Variants in TBC1D16 observed in about 807,000 individuals in gnomAD.
TBC1D16 encodes CTD-2529O21.1.
Under a neutral mutation model 74.7 loss-of-function variants are expected in TBC1D16, and 58 were observed. The observed-to-expected ratio is 0.78, with a 90% CI of 0.63 to 0.97. TBC1D16 has a LOEUF of 0.97. Among genes scored for constraint, TBC1D16 ranks in the 50% least tolerant of loss-of-function variants. TBC1D16 has a pLI of 0.00. For missense variants in TBC1D16, 1,014 were observed against 1,079.5 expected (o/e 0.94, Z 0.85); for synonymous variants, 493 against 474.7 (o/e 1.04, Z -0.50).
rs147898682 is a variant in TBC1D16, at chr17:79,975,027, A to G, written c.780-22209T>C. On this transcript the variant is annotated intron_variant, in intron 3 of 11. Transcript: ENST00000310924. This position sits in a 1 kb window ranked among gnomAD's most constrained non-coding sequence, Gnocchi z 4.5. The stretch of plus-strand genomic sequence containing the variant: ...GCGCCCTCTATAGGTAAGAAGGCCC[A>G]AGGAAGAAGCCCTCTGCTCCGTCAC... Among the ~76,000 whole-genome samples, 620 of 152,268 alleles carry G rather than the reference A, an allele frequency of 4.1e-3. 2 individuals are homozygous for G. The highest frequency in any genetic ancestry group is 0.014 in the African/African-American group (595 of 41,552).
chr17:79,952,512 G>C, intron 4 of TBC1D16, 145 bp downstream of exon 4: 1 of 1,047,080 alleles, frequency 9.6e-7, no homozygotes, highest in Non-Finnish European at 1.3e-6. Flanking sequence ...CACAAGATCA[G>C]CGAGGGAGGA....
chr17:79,968,726 G>A (rs2033946488), intron 3 of TBC1D16, among the ~76,000 whole-genome samples: 2 of 151,080 alleles, frequency 1.3e-5, no homozygotes, highest in South Asian at 2.1e-4. Flanking sequence ...TGTGGCGGGC[G>A]CCTGTAGTCC....
rs192079872 is a variant in TBC1D16 at position 80,009,571 on chromosome 17, G to A, written c.779+589C>T. Among the ~76,000 whole-genome samples the A allele has an allele frequency of 1.5e-3, 221 of 152,332 alleles. 1 individual carries two copies. Among genetic ancestry groups the A allele is most frequent in the African/African-American group, 5.0e-3 (207 of 41,578 alleles). On this transcript the variant is annotated intron_variant, in intron 3 of 11. Transcript: ENST00000310924. The surrounding 1 kb of genome is among the most constrained non-coding windows in gnomAD (Gnocchi z 5.4). ...CAGGGTGCATAGCGGCTGCCAAGTC[G>A]GGTGAATATGGTCAACACTGCCCCG...
In TBC1D16 at chr17:79,950,282, CG is replaced by C; in HGVS notation, c.1257+128del. On this transcript the variant is annotated intron_variant, in intron 6 of 11. Coordinates refer to ENST00000310924, the MANE Select transcript of TBC1D16 (RefSeq NM_019020.4). The surrounding 1 kb of genome is among the most constrained non-coding windows in gnomAD (Gnocchi z 4.6). ...TCACAGAGAGCCTCACACAAGAAAA[CG>C]GGGCCCTCACGAGGAGGTGGCCCGT... 9.8e-7 allele frequency: 1 copy of C among 1,020,794 alleles called. No individual in the cohort carries two copies. The highest frequency in any genetic ancestry group is 1.4e-6 in the Non-Finnish European group (1 of 724,908). The allele number at this position is 1,020,794 out of a possible 1,614,324, so 63.2% of individuals were successfully genotyped here.
chr17:79,934,143 G>A lies in TBC1D16; in HGVS notation c.*6716C>T, dbSNP rs2143210037. The A allele has an allele frequency of 6.6e-6, 1 of 152,388 alleles. No homozygotes were observed. The highest frequency in any genetic ancestry group is 2.4e-5 in the African/African-American group (1 of 41,592). 9.4% of individuals were successfully genotyped at this position (152,388 alleles called of 1,614,324 possible). On this transcript the variant is annotated 3_prime_UTR_variant, in exon 12 of 12. Coordinates refer to ENST00000310924, the MANE Select transcript of TBC1D16 (RefSeq NM_019020.4). ...GTGTGGCCCGCCAGGTGGCACCTATGTTCTCTTGCCCGGCGTGGGTGACTA... is the reference window on the plus strand; with the variant it reads ...GTGTGGCCCGCCAGGTGGCACCTATATTCTCTTGCCCGGCGTGGGTGACTA...
chr17:79,962,031 T>G (rs2033637871), intron 3 of TBC1D16, among the ~76,000 whole-genome samples: 1 of 152,060 alleles, frequency 6.6e-6, no homozygotes, highest in Non-Finnish European at 1.5e-5. Context: ...TTATGCTGAT[T>G]GAAAGAAGCA....
rs926609190 is a variant in TBC1D16 at position 79,981,583 on chromosome 17, G to A, written c.779+28577C>T. Among the ~76,000 whole-genome samples the A allele has an allele frequency of 4.6e-5, 7 of 152,234 alleles. No individual in the cohort carries two copies. The highest frequency in any genetic ancestry group is 9.6e-5 in the African/African-American group (4 of 41,468). ...AAGATCGTCGGTGATAAAGAAATGCGCATGAACATGATTTTTAAGCCATCC... is the reference window on the plus strand; with the variant it reads ...AAGATCGTCGGTGATAAAGAAATGCACATGAACATGATTTTTAAGCCATCC... On this transcript the variant is annotated intron_variant, in intron 3 of 11. Transcript: ENST00000310924. This position sits in a 1 kb window ranked among gnomAD's most constrained non-coding sequence, Gnocchi z 6.9.
At chr17:79,960,801 A>AAAAAAAAAAAAAAAAAAAAAAAC (rs2033570654) in intron 3 of TBC1D16, among the ~76,000 whole-genome samples, 1 of 149,050 alleles carries the variant, frequency 6.7e-6, no homozygotes, top group Non-Finnish European at 1.5e-5. Context: ...AAAAAAAAAA[A>AAAAAAAAAAAAAAAAAAAAAAAC]AAAAAAAACG....
At chr17:79,959,744 C>A (rs1020483381) in intron 3 of TBC1D16, among the ~76,000 whole-genome samples, 2 of 152,148 alleles carry the variant, frequency 1.3e-5, no homozygotes, top group African/African-American at 2.4e-5. Flanking sequence ...AGATGTGAAA[C>A]CTTAACTAGG....
chr17:79,941,209 C>T lies in TBC1D16; in HGVS notation c.2056-102G>A. ...AGACAGCAACAGCAGCAACAACGGC[C>T]TGCACCTCGGGGGCTCACCGAGTCC... On this transcript the variant is annotated intron_variant, in intron 11 of 11. Transcript: ENST00000310924. The surrounding 1 kb of genome is among the most constrained non-coding windows in gnomAD (Gnocchi z 4.3). The T allele has an allele frequency of 8.3e-7, 1 of 1,211,200 alleles. No homozygotes were observed. Among genetic ancestry groups the T allele is most frequent in the Middle Eastern group, 2.9e-4 (1 of 3,498 alleles). The allele number at this position is 1,211,200 out of a possible 1,614,324, so 75.0% of individuals were successfully genotyped here.
chr17:79,950,282 C>A lies in TBC1D16; in HGVS notation c.1257+129G>T. 9 of 1,020,792 alleles carry A rather than the reference C, an allele frequency of 8.8e-6. No homozygotes were observed. The highest frequency in any genetic ancestry group is 1.2e-5 in the Non-Finnish European group (9 of 724,906). 63.2% of individuals were successfully genotyped at this position (1,020,792 alleles called of 1,614,324 possible). A position where few individuals can be genotyped will look rare whatever the true frequency, so the allele number is the denominator to read the frequency against. On this transcript the variant is annotated intron_variant, in intron 6 of 11. Transcript: ENST00000310924. This position sits in a 1 kb window ranked among gnomAD's most constrained non-coding sequence, Gnocchi z 4.6. The stretch of plus-strand genomic sequence containing the variant: ...TCACAGAGAGCCTCACACAAGAAAA[C>A]GGGGCCCTCACGAGGAGGTGGCCCG...
chr17:80,011,868 C>G (rs1049314279), intron 2 of TBC1D16, among the ~76,000 whole-genome samples: 25 of 151,980 alleles, frequency 1.6e-4, no homozygotes, highest in African/African-American at 5.1e-4. Flanking sequence ...GGTATTTGGG[C>G]CTTTTCCAAT....
rs2031898162 is a variant in TBC1D16, at chr17:79,940,781, C to T, written c.*78G>A. On this transcript the variant is annotated 3_prime_UTR_variant, in exon 12 of 12. Transcript: ENST00000310924. The surrounding 1 kb of genome is among the most constrained non-coding windows in gnomAD (Gnocchi z 5.4). ...TTTCTACCGTCCCCTGTCCCCTTCA[C>T]GCCCAGCCCCACCCCCTCCCGTGCC... 6.3e-6 allele frequency: 9 copies of T among 1,424,384 alleles called. No homozygotes were observed. The highest frequency in any genetic ancestry group is 2.9e-5 in the African/African-American group (2 of 69,716). The allele number at this position is 1,424,384 out of a possible 1,614,324, so 88.2% of individuals were successfully genotyped here. A position where few individuals can be genotyped will look rare whatever the true frequency, so the allele number is the denominator to read the frequency against.
At chr17:80,002,441 G>T (rs1468693264) in intron 3 of TBC1D16, among the ~76,000 whole-genome samples, 1 of 152,214 alleles carries the variant, frequency 6.6e-6, no homozygotes, top group Admixed American at 6.5e-5. Context: ...CATGTGAGGT[G>T]GGGAGCGGCC....
At position 79,985,504 on chromosome 17, in the gene TBC1D16, G is replaced by A. The variant is rs1452053077; in HGVS notation, c.779+24656C>T. ...GTGCGAAGCAGGACTGCCCCCCAAG[G>A]CCAGGCAGGTCCTCGAGGAGCATCT... On this transcript the variant is annotated intron_variant, in intron 3 of 11. Coordinates refer to ENST00000310924, the MANE Select transcript of TBC1D16 (RefSeq NM_019020.4). The surrounding 1 kb of genome is among the most constrained non-coding windows in gnomAD (Gnocchi z 4.9). Among the ~76,000 whole-genome samples the A allele has an allele frequency of 6.6e-6, 1 of 152,166 alleles. No individual in the cohort carries two copies. Among genetic ancestry groups the A allele is most frequent in the Non-Finnish European group, 1.5e-5 (1 of 68,024 alleles).
chr17:79,991,966 C>T (rs1407083712), intron 3 of TBC1D16: 1 of 152,270 alleles, frequency 6.6e-6, no homozygotes, highest in Non-Finnish European at 1.5e-5. Context: ...AAACGAGCAA[C>T]ACTCTGCAAA....
rs748717994 is a variant in TBC1D16, at chr17:80,010,542, T to C, written c.397A>G (p.Thr133Ala). Residue 133 changes from threonine to alanine, a missense_variant, in exon 3 of 12, where the codon ACC becomes GCC. Thr to Ala is a moderately conservative substitution (Grantham distance 58). Transcript: ENST00000310924. The surrounding 1 kb of genome is among the most constrained non-coding windows in gnomAD (Gnocchi z 8.8). ...HQPSPTELRP[T>A]LTPKDEDILV... The stretch of plus-strand genomic sequence containing the variant: ...ATGTCCTCATCTTTGGGGGTCAGGG[T>C]AGGCCGCAGCTCCGTCGGGGAGGGC... 6.2e-7 allele frequency: 1 copy of C among 1,610,106 alleles called. No homozygotes were observed. Among genetic ancestry groups the C allele is most frequent in the Non-Finnish European group, 8.5e-7 (1 of 1,178,672 alleles).
At chr17:79,984,106 G>GA (rs911169852) in intron 3 of TBC1D16, among the ~76,000 whole-genome samples, 39 of 152,134 alleles carry the variant, frequency 2.6e-4, no homozygotes, top group African/African-American at 8.4e-4. Flanking sequence ...GGCTGACCTT[G>GA]AACTCCCAGA....
intron 3 of TBC1D16, among the ~76,000 whole-genome samples, chr17:79,955,494 C>G (rs529865907): frequency 6.6e-6 from 1 of 152,110 alleles, no homozygotes; most frequent in Admixed American, 6.5e-5. Context: ...ACAGGGAAAA[C>G]GAAATATGTA....
Sources: gnomAD v4.1 joint callset for allele counts (sites outside exome capture counted in the v4.1 genomes callset) on GRCh38, gnomAD v4.1.1 for gene constraint, Gnocchi (gnomAD v3.1) non-coding constraint, MANE v1.5 for transcripts, NCBI Gene and HGNC (gene_info 2026-07-23, HGNC 2026-07-21) for gene names.